KCNH7: variants seen among roughly 807,000 people sequenced by gnomAD.
KCNH7 encodes potassium voltage-gated channel subfamily H member 7, also known as voltage-gated inwardly rectifying potassium channel KCNH7.
In KCNH7, 49 loss-of-function variants were observed where a neutral mutation model predicts 120.8. That is an observed-to-expected ratio of 0.41 (90% CI 0.32 to 0.51). KCNH7 has a LOEUF of 0.51. Among genes scored for constraint, KCNH7 ranks in the 20% least tolerant of loss-of-function variants. KCNH7 has a pLI of 0.38. For synonymous variants in KCNH7, 547 were observed against 516.1 expected (o/e 1.06, Z -0.81); for missense variants, 1,097 against 1,446.6 (o/e 0.76, Z 3.92).
chr2:162,819,045 A>G (rs1030132253), intron 2 of KCNH7, among the ~76,000 whole-genome samples: 8 of 152,188 alleles, frequency 5.3e-5, no homozygotes, highest in African/African-American at 1.4e-4. Flanking sequence ...AAGAATATCA[A>G]TGTCATGAAA....
At chr2:162,783,546 G>A (rs1436617819) in intron 2 of KCNH7, among the ~76,000 whole-genome samples, 7 of 152,144 alleles carry the variant, frequency 4.6e-5, no homozygotes, top group African/African-American at 1.7e-4. Flanking sequence ...CTTGATCCAA[G>A]GTTTAAGAAT....
chr2:162,832,525 A>C, intron 2 of KCNH7, among the ~76,000 whole-genome samples: 1 of 152,164 alleles, frequency 6.6e-6, no homozygotes, highest in East Asian at 1.9e-4. Flanking sequence ...CAGGTTCTCT[A>C]TGCAATTAAC....
At chr2:162,386,535 C>T (rs1686576979) in intron 12 of KCNH7, among the ~76,000 whole-genome samples, 2 of 151,734 alleles carry the variant, frequency 1.3e-5, no homozygotes, top group African/African-American at 2.4e-5. Context: ...CTAAGTAAAC[C>T]TTCTTGTGAT....
At chr2:162,734,920 T>C (rs1049626558) in intron 2 of KCNH7, among the ~76,000 whole-genome samples, 9 of 152,174 alleles carry the variant, frequency 5.9e-5, no homozygotes, top group Admixed American at 4.6e-4. Context: ...TAGATGTTGA[T>C]GGGAGTCTTT....
chr2:162,481,705 T>C (rs570650223), intron 6 of KCNH7, among the ~76,000 whole-genome samples: 1 of 152,196 alleles, frequency 6.6e-6, no homozygotes, highest in Non-Finnish European at 1.5e-5. Flanking sequence ...AATGAATACA[T>C]GAGGTTGTTA....
intron 2 of KCNH7, among the ~76,000 whole-genome samples, chr2:162,768,561 A>T (rs1007473590): frequency 2.6e-5 from 4 of 152,184 alleles, no homozygotes; most frequent in African/African-American, 7.2e-5. Context: ...GACAACGGAG[A>T]GGTAAAAGAG....
chr2:162,504,614 T>C lies in KCNH7; in HGVS notation c.957A>G (p.Ser319=). Residue 319 remains serine (S), a synonymous_variant, in exon 6 of 16, where the codon TCA becomes TCG. Coordinates refer to ENST00000332142, the MANE Select transcript of KCNH7 (RefSeq NM_033272.4). ...HIKSSLLGST[S]DSNLNKYSTI... is the part of the protein sequence containing the mutation. ...TGCTGTATTTGTTGAGGTTTGAATCTGATGTGGATCCCAGGAGGCTTGACT... is the reference window on the plus strand; with the variant it reads ...TGCTGTATTTGTTGAGGTTTGAATCCGATGTGGATCCCAGGAGGCTTGACT... 1 of 1,612,944 alleles carries C rather than the reference T, an allele frequency of 6.2e-7. No individual in the cohort carries two copies. The highest frequency in any genetic ancestry group is 1.1e-5 in the South Asian group (1 of 91,062).
intron 2 of KCNH7, among the ~76,000 whole-genome samples, chr2:162,625,658 A>T (rs1249947276): frequency 1.3e-5 from 2 of 152,166 alleles, no homozygotes; most frequent in African/African-American, 2.4e-5. Flanking sequence ...ACCTCACCTC[A>T]CAGGGTTTTG....
intron 2 of KCNH7, among the ~76,000 whole-genome samples, chr2:162,571,116 G>A (rs1262438336): frequency 6.6e-6 from 1 of 151,782 alleles, no homozygotes; most frequent in African/African-American, 2.4e-5. Flanking sequence ...GTCCCTGTTT[G>A]CAGATGACAT....
At chr2:162,813,174 C>T (rs954991865) in intron 2 of KCNH7, among the ~76,000 whole-genome samples, 3 of 152,198 alleles carry the variant, frequency 2.0e-5, no homozygotes, top group East Asian at 1.9e-4. Context: ...GAGGCTAAGT[C>T]AGAAAATGTG....
At chr2:162,631,562 C>T (rs1219590928) in intron 2 of KCNH7, among the ~76,000 whole-genome samples, 1 of 151,842 alleles carries the variant, frequency 6.6e-6, no homozygotes, top group African/African-American at 2.4e-5. Context: ...TATTGAATTA[C>T]AGAAAAATCT....
chr2:162,622,191 C>G (rs771551700), intron 2 of KCNH7, among the ~76,000 whole-genome samples: 4 of 152,182 alleles, frequency 2.6e-5, no homozygotes, highest in Non-Finnish European at 5.9e-5. Context: ...CCCAGAGGAG[C>G]TGTGCCTTGC....
intron 2 of KCNH7, chr2:162,796,186 A>T (rs546613883): frequency 6.6e-6 from 1 of 152,230 alleles, no homozygotes; most frequent in South Asian, 2.1e-4. Context: ...CTACCACTGA[A>T]CAACTGCATG....
chr2:162,746,477 T>C (rs1688320028), intron 2 of KCNH7, among the ~76,000 whole-genome samples: 1 of 152,136 alleles, frequency 6.6e-6, no homozygotes, highest in African/African-American at 2.4e-5. Context: ...TTCTCTGAGA[T>C]TCTGGCTTAA....
intron 2 of KCNH7, among the ~76,000 whole-genome samples, chr2:162,696,369 A>C (rs1686288405): frequency 6.6e-6 from 1 of 152,202 alleles, no homozygotes; most frequent in African/African-American, 2.4e-5. Context: ...AATGTGGTAT[A>C]AAATAAATAA....
intron 2 of KCNH7, among the ~76,000 whole-genome samples, chr2:162,667,546 C>A (rs186787729): frequency 3.3e-5 from 5 of 152,342 alleles, no homozygotes; most frequent in Non-Finnish European, 7.3e-5. Flanking sequence ...TGCTATATTT[C>A]TTTCCTCAAA....
chr2:162,518,287 T>G lies in KCNH7; in HGVS notation c.464-129A>C, dbSNP rs1278678671. 5 of 694,932 alleles carry G rather than the reference T, an allele frequency of 7.2e-6. No individual in the cohort carries two copies. The East Asian group carries it at 1.1e-4, about 15-fold the overall frequency. The allele number at this position is 694,932 out of a possible 1,614,324, so 43.0% of individuals were successfully genotyped here. A position where few individuals can be genotyped will look rare whatever the true frequency, so the allele number is the denominator to read the frequency against. ...TTTGAATCAATGGTTATAGTTGGAA[T>G]AGAGGATATTGTAGAAAACTTCTCT... On this transcript the variant is annotated intron_variant, in intron 3 of 15. Coordinates refer to ENST00000332142, the MANE Select transcript of KCNH7 (RefSeq NM_033272.4).
chr2:162,429,997 G>C (rs1443904448), intron 8 of KCNH7, among the ~76,000 whole-genome samples: 1 of 150,684 alleles, frequency 6.6e-6, no homozygotes, highest in African/African-American at 2.4e-5. Context: ...ATTTTAAATA[G>C]ATATTGGGCA....
chr2:162,593,047 G>T (rs1443117294), intron 2 of KCNH7, among the ~76,000 whole-genome samples: 1 of 151,890 alleles, frequency 6.6e-6, no homozygotes, highest in Non-Finnish European at 1.5e-5. Context: ...TTATATCTCT[G>T]CCAAGGGCCA....
Sources: allele counts gnomAD v4.1 joint callset (sites outside exome capture counted in the v4.1 genomes callset), GRCh38; gene constraint gnomAD v4.1.1; transcripts MANE v1.5; gene names NCBI Gene and HGNC (gene_info 2026-07-23, HGNC 2026-07-21).